Variants in HIF1A observed in about 807,000 individuals in gnomAD.
HIF1A encodes hypoxia inducible factor 1 subunit alpha.
In HIF1A, 24 loss-of-function variants were observed where a neutral mutation model predicts 92.7. The observed-to-expected ratio is 0.26, with a 90% CI of 0.19 to 0.36. The LOEUF is 0.36. Among genes scored for constraint, HIF1A ranks in the 10% least tolerant of loss-of-function variants. HIF1A has a pLI of 1.00. For missense variants in HIF1A, 799 were observed against 998.5 expected (o/e 0.80, Z 2.69); for synonymous variants, 319 against 338.7 (o/e 0.94, Z 0.64).
intron 12 of HIF1A, among the ~76,000 whole-genome samples, chr14:61,742,702 A>G (rs769421352): frequency 1.4e-4 from 22 of 152,070 alleles, no homozygotes; most frequent in Non-Finnish European, 2.8e-4. Flanking sequence ...CCTGGCCAAC[A>G]TGGTGAAACC....
At chr14:61,741,941 C>G (rs1034521224) in intron 12 of HIF1A, among the ~76,000 whole-genome samples, 11 of 152,152 alleles carry the variant, frequency 7.2e-5, no homozygotes, top group African/African-American at 2.7e-4. Flanking sequence ...AGCCTTCCAT[C>G]TTCAGCATTC....
intron 6 of HIF1A, among the ~76,000 whole-genome samples, chr14:61,731,023 T>A (rs2044569535): frequency 6.6e-6 from 1 of 152,190 alleles, no homozygotes; most frequent in Admixed American, 6.5e-5. Context: ...TTTGGTTTGG[T>A]TTTTGGCAAA....
At chr14:61,744,515 CAA>C (rs35092820) in intron 12 of HIF1A, among the ~76,000 whole-genome samples, 188 bp from the exon 13 acceptor site, 17 of 130,786 alleles carry the variant, frequency 1.3e-4, no homozygotes, top group African/African-American at 8.9e-5. Flanking sequence ...CGTGTTTCAC[CAA>C]AAAAAAAAAA....
At chr14:61,703,801 C>T (rs2044204766) in intron 1 of HIF1A, among the ~76,000 whole-genome samples, 1 of 105,138 alleles carries the variant, frequency 9.5e-6, no homozygotes, top group Admixed American at 9.9e-5. Flanking sequence ...TTACTATACA[C>T]AGAACTCTTG....
chr14:61,744,561 C>G (rs1177830710), intron 12 of HIF1A, 144 bp from the exon 13 acceptor site: 5 of 342,582 alleles, frequency 1.5e-5, no homozygotes, highest in Non-Finnish European at 2.7e-5. Context: ...AGATGATAAA[C>G]TTTAGTGATC....
intron 6 of HIF1A, 132 bp from the exon 7 acceptor site, chr14:61,732,286 A>G (rs2140147448): frequency 1.6e-6 from 1 of 628,498 alleles, no homozygotes. Context: ...ATTCTAAGCA[A>G]AGGAGGATGC....
Position 61,744,743 on chromosome 14 carries a change from T to A in HIF1A, c.2132T>A (p.Leu711Gln). The change falls in exon 13 of 15, where the codon CTA (leucine) becomes CAA (glutamine). Residue 711 changes from leucine to glutamine, a missense_variant. Coordinates refer to ENST00000337138, the MANE Select transcript of HIF1A (RefSeq NM_001530.4). ...GAGGAAGAACTAAATCCAAAGATACTAGCTTTGCAGAATGCTCAGAGAAAG... is the reference window on the plus strand; with the variant it reads ...GAGGAAGAACTAAATCCAAAGATACAAGCTTTGCAGAATGCTCAGAGAAAG... ...VPEEELNPKI[L>Q]ALQNAQRKRK... The A allele has an allele frequency of 6.3e-7, 1 of 1,596,922 alleles. No homozygotes were observed. Among genetic ancestry groups the A allele is most frequent in the Non-Finnish European group, 8.6e-7 (1 of 1,166,818 alleles).
Position 61,716,681 on chromosome 14 carries a change from T to C in HIF1A, c.36-3701T>C, listed in dbSNP as rs184398013. 2.2e-4 allele frequency among the ~76,000 whole-genome samples: 33 copies of C among 152,288 alleles called. No individual in the cohort carries two copies. In the East Asian group the frequency reaches 5.6e-3, roughly 26 times the overall value. On this transcript the variant is annotated intron_variant, in intron 1 of 14. Coordinates refer to ENST00000337138, the MANE Select transcript of HIF1A (RefSeq NM_001530.4). ...TCTGAAGAACAATAGACATTCTCTA[T>C]AAAACAACTCTTGCTTATTCATGAA...
At chr14:61,715,514 G>C (rs1041471105) in intron 1 of HIF1A, 1 of 152,112 alleles carries the variant, frequency 6.6e-6, no homozygotes, top group Non-Finnish European at 1.5e-5. Flanking sequence ...AGTGTTAATC[G>C]CGTGGACACC....
At chr14:61,732,882 AGGT>A (rs1450214913) in intron 7 of HIF1A, among the ~76,000 whole-genome samples, 1 of 152,212 alleles carries the variant, frequency 6.6e-6, no homozygotes, top group African/African-American at 2.4e-5. Flanking sequence ...ATGAATGTGA[AGGT>A]GGTGAACATC....
At chr14:61,732,658 T>C in intron 7 of HIF1A, 134 bp downstream of exon 7, 6 of 493,728 alleles carry the variant, frequency 1.2e-5, no homozygotes, top group Non-Finnish European at 1.8e-5. Flanking sequence ...TCAGTAGAGA[T>C]CTTGACCATT....
At chr14:61,701,812 A>AC (rs2044180028) in intron 1 of HIF1A, among the ~76,000 whole-genome samples, 1 of 151,848 alleles carries the variant, frequency 6.6e-6, no homozygotes, top group African/African-American at 2.4e-5. Flanking sequence ...ACATGGTGAA[A>AC]CCCCATCTCT....
chr14:61,695,623 G>C lies in HIF1A; in HGVS notation c.-182G>C, dbSNP rs890416712. The C allele has an allele frequency of 2.1e-4, 137 of 646,524 alleles. No homozygotes were observed. Among genetic ancestry groups the C allele is most frequent in the East Asian group, 1.7e-4 (6 of 35,348 alleles). The allele number at this position is 646,524 out of a possible 1,614,324, so 40.0% of individuals were successfully genotyped here. On this transcript the variant is annotated 5_prime_UTR_variant, in exon 1 of 15. Transcript: ENST00000337138. ...GCCACCTGAGGAGAGGCTCGGAGCC[G>C]GGCCCGGACCCCGGCGATTGCCGCC... is the stretch of plus-strand genomic sequence containing the variant.
intron 4 of HIF1A, among the ~76,000 whole-genome samples, chr14:61,725,005 T>C (rs1320535936): frequency 1.3e-5 from 2 of 152,200 alleles, no homozygotes; most frequent in Non-Finnish European, 2.9e-5. Flanking sequence ...GTGGACAAAC[T>C]ACTATATGCT....
At chr14:61,720,356 G>C in intron 1 of HIF1A, 26 bp from the exon 2 acceptor site, 3 of 1,559,020 alleles carry the variant, frequency 1.9e-6, no homozygotes, top group Non-Finnish European at 1.7e-6. Flanking sequence ...TTTCCATCTC[G>C]TGTTTTTCTT....
At chr14:61,710,381 T>C (rs1246132274) in intron 1 of HIF1A, among the ~76,000 whole-genome samples, 9 of 152,334 alleles carry the variant, frequency 5.9e-5, no homozygotes, top group African/African-American at 2.2e-4. Context: ...TTTTGTTTAT[T>C]GCACCGTGTC....
At chr14:61,718,524 T>C (rs1255247640) in intron 1 of HIF1A, among the ~76,000 whole-genome samples, 1 of 152,218 alleles carries the variant, frequency 6.6e-6, no homozygotes, top group Non-Finnish European at 1.5e-5. Flanking sequence ...GCTGGAGTTA[T>C]TATCATCATA....
At chr14:61,723,179 TTTTC>T (rs954260177) in intron 4 of HIF1A, among the ~76,000 whole-genome samples, 2 of 152,216 alleles carry the variant, frequency 1.3e-5, no homozygotes, top group Admixed American at 6.5e-5. Context: ...ATTTTTGAGG[TTTTC>T]TTTTTCATCT....
chr14:61,742,531 T>C (rs887399583), intron 12 of HIF1A, among the ~76,000 whole-genome samples: 3 of 152,168 alleles, frequency 2.0e-5, no homozygotes, highest in Non-Finnish European at 4.4e-5. Context: ...TCACAGTGTC[T>C]TGGGCATTTT....
Sources: gnomAD v4.1 joint callset for allele counts (sites outside exome capture counted in the v4.1 genomes callset) on GRCh38, gnomAD v4.1.1 for gene constraint, MANE v1.5 for transcripts, NCBI Gene and HGNC (gene_info 2026-07-23, HGNC 2026-07-21) for gene names.